The following MCC variants were observed in gnomAD, a reference collection of about 807,000 sequenced individuals.
MCC encodes the protein colorectal mutant cancer protein.
A neutral mutation model predicts 116.2 loss-of-function variants in MCC; 90 were observed. The ratio of observed to expected loss-of-function variants is 0.77; its 90% CI spans 0.65 to 0.92. The LOEUF is 0.92. Ranked by LOEUF, MCC falls within the 40% of genes least tolerant of loss-of-function variation. The pLI, the probability that MCC is intolerant of heterozygous loss-of-function variation, is 0.00. For missense variants in MCC, 1,516 were observed against 1,312.2 expected (o/e 1.16, Z -2.40); for synonymous variants, 578 against 510.5 (o/e 1.13, Z -1.78).
At chr5:113,420,380 G>C (rs1308284066) in intron 1 of MCC, among the ~76,000 whole-genome samples, 1 of 152,140 alleles carries the variant, frequency 6.6e-6, no homozygotes, top group Non-Finnish European at 1.5e-5. Flanking sequence ...GTTATATGAA[G>C]ATTATATCAA....
At chr5:113,134,486 T>C (rs1172028388) in intron 5 of MCC, among the ~76,000 whole-genome samples, 1 of 152,096 alleles carries the variant, frequency 6.6e-6, no homozygotes, top group East Asian at 1.9e-4. Flanking sequence ...TGTAGCATAA[T>C]TTGAACTCAA....
At chr5:113,171,669 C>A (rs1761078452) in intron 3 of MCC, among the ~76,000 whole-genome samples, 1 of 152,104 alleles carries the variant, frequency 6.6e-6, no homozygotes, top group Non-Finnish European at 1.5e-5. Flanking sequence ...AAAGTGGAAA[C>A]CTCTTTAACC....
At chr5:113,138,910 T>C (rs912947847) in intron 5 of MCC, among the ~76,000 whole-genome samples, 2 of 152,186 alleles carry the variant, frequency 1.3e-5, no homozygotes, top group Non-Finnish European at 2.9e-5. Context: ...ACTCTGGTTC[T>C]ATAACTGGCC....
intron 11 of MCC, among the ~76,000 whole-genome samples, chr5:113,073,261 C>T (rs1425195787): frequency 6.6e-6 from 1 of 152,184 alleles, no homozygotes; most frequent in Non-Finnish European, 1.5e-5. Context: ...AACCCAGCTG[C>T]AGTTTCCACT....
intron 1 of MCC, among the ~76,000 whole-genome samples, chr5:113,440,938 T>C (rs1010593927): frequency 2.0e-5 from 3 of 152,246 alleles, no homozygotes; most frequent in Non-Finnish European, 4.4e-5. Context: ...TATGTGTTCA[T>C]AGCATTTTCT....
At chr5:113,045,225 T>G (rs1751991518) in intron 16 of MCC, among the ~76,000 whole-genome samples, 1 of 152,210 alleles carries the variant, frequency 6.6e-6, no homozygotes, top group Non-Finnish European at 1.5e-5. Flanking sequence ...TGGCAGTATC[T>G]GGTGCACACA....
chr5:113,107,861 G>A (rs546627757), intron 6 of MCC, among the ~76,000 whole-genome samples: 1 of 152,276 alleles, frequency 6.6e-6, no homozygotes, highest in African/African-American at 2.4e-5. Context: ...TGGGTTACAG[G>A]GAGCAGGAAG....
At chr5:113,423,899 C>T (rs577817616) in intron 1 of MCC, among the ~76,000 whole-genome samples, 1 of 152,244 alleles carries the variant, frequency 6.6e-6, no homozygotes, top group South Asian at 2.1e-4. Context: ...CAGGCGAAGT[C>T]CTCACGGAGA....
At position 113,170,635 on chromosome 5, in the gene MCC, T is replaced by C. The variant is rs192649442; in HGVS notation, c.628-19213A>G. On this transcript the variant is annotated intron_variant, in intron 3 of 18. Coordinates refer to ENST00000408903, the MANE Select transcript of MCC (RefSeq NM_001085377.2). ...ACTACAAAAATGTTACAGTTCAAGGTAGTATTTACTGACTTTTATATATAA... is the reference window on the plus strand; with the variant it reads ...ACTACAAAAATGTTACAGTTCAAGGCAGTATTTACTGACTTTTATATATAA... Among the ~76,000 whole-genome samples the C allele has an allele frequency of 7.9e-3, 1,206 of 152,270 alleles. 8 individuals are homozygous for C. Among genetic ancestry groups the C allele is most frequent in the Non-Finnish European group, 0.012 (846 of 68,020 alleles).
chr5:113,110,751 CAAAGATGTGCTTGCATATGGG>C (rs1757042947), intron 6 of MCC, among the ~76,000 whole-genome samples: 2 of 152,154 alleles, frequency 1.3e-5, no homozygotes, highest in South Asian at 4.1e-4. Flanking sequence ...CACCTGCAGC[CAAAGATGTGCTTGCATATGGG>C]ATAGGGCTAT....
chr5:113,392,240 T>C (rs746620485), intron 1 of MCC, among the ~76,000 whole-genome samples: 2 of 151,674 alleles, frequency 1.3e-5, no homozygotes, highest in African/African-American at 2.4e-5. Context: ...ACCCCGTCTT[T>C]AAAAATAAAG....
At position 113,043,491 on chromosome 5, in the gene MCC, C is replaced by T. The variant is rs202058452; in HGVS notation, c.2756+39G>A. The T allele has an allele frequency of 7.1e-6, 11 of 1,555,710 alleles. No homozygotes were observed. The East Asian group carries it at 1.1e-4, about 16-fold the overall frequency. The stretch of plus-strand genomic sequence containing the variant: ...GAACTCAGAACAAAGTCTCCATGCC[C>T]AGGATAAACACCAGCTGGGGTGGGG... On this transcript the variant is annotated intron_variant, in intron 17 of 18. Transcript: ENST00000408903.
intron 11 of MCC, among the ~76,000 whole-genome samples, chr5:113,074,118 G>C (rs934805427): frequency 2.6e-5 from 4 of 152,174 alleles, no homozygotes; most frequent in Non-Finnish European, 5.9e-5. Flanking sequence ...GCCTAACTGG[G>C]AGACACCTCC....
chr5:113,398,812 T>C (rs545185133), intron 1 of MCC, among the ~76,000 whole-genome samples: 2 of 152,320 alleles, frequency 1.3e-5, no homozygotes, highest in South Asian at 2.1e-4. Flanking sequence ...TTTGTAAAAC[T>C]AGGATTTCCA....
At chr5:113,223,604 T>C (rs1469342254) in intron 3 of MCC, among the ~76,000 whole-genome samples, 3 of 152,044 alleles carry the variant, frequency 2.0e-5, no homozygotes, top group African/African-American at 4.8e-5. Flanking sequence ...AGAGGCTACT[T>C]GAGAATTTTT....
At chr5:113,200,490 G>GTTC (rs1335329951) in intron 3 of MCC, among the ~76,000 whole-genome samples, 1 of 152,076 alleles carries the variant, frequency 6.6e-6, no homozygotes, top group Non-Finnish European at 1.5e-5. Context: ...AGAAACAGTG[G>GTTC]TGGTAGGGGT....
At chr5:113,125,456 A>G (rs1757989674) in intron 5 of MCC, among the ~76,000 whole-genome samples, 1 of 152,206 alleles carries the variant, frequency 6.6e-6, no homozygotes, top group South Asian at 2.1e-4. Context: ...GAGCTTAAAT[A>G]TTAGAAAGTT....
chr5:113,062,045 T>C (rs1451337350), intron 14 of MCC, among the ~76,000 whole-genome samples: 3 of 152,196 alleles, frequency 2.0e-5, no homozygotes, highest in Non-Finnish European at 4.4e-5. Context: ...GAATGCCTCG[T>C]GTGTGGTTCT....
intron 3 of MCC, among the ~76,000 whole-genome samples, chr5:113,328,305 C>T (rs554514982): frequency 1.3e-5 from 2 of 152,172 alleles, no homozygotes; most frequent in Non-Finnish European, 2.9e-5. Context: ...TAGGAATAAT[C>T]GTAGGAACAC....
Sources: gnomAD v4.1 joint callset for allele counts (sites outside exome capture counted in the v4.1 genomes callset) on GRCh38, gnomAD v4.1.1 for gene constraint, MANE v1.5 for transcripts, NCBI Gene and HGNC (gene_info 2026-07-23, HGNC 2026-07-21) for gene names.